Variants in FAM83B observed in about 807,000 individuals in gnomAD.
The protein encoded by FAM83B is protein FAM83B.
In FAM83B, 26 loss-of-function variants were observed where a neutral mutation model predicts 38.8. That is an observed-to-expected ratio of 0.67 (90% confidence interval 0.49 to 0.93). The LOEUF (loss-of-function observed/expected upper bound fraction) is 0.93, where lower values mean the gene tolerates loss of function less well. Among genes scored for constraint, FAM83B ranks in the 40% least tolerant of loss-of-function variants. The pLI, the probability that FAM83B is intolerant of heterozygous loss-of-function variation, is 0.00. For missense variants in FAM83B, 1,237 were observed against 1,197.3 expected (o/e 1.03, Z -0.49); for synonymous variants, 419 against 423.1 (o/e 0.99, Z 0.12).
intron 2 of FAM83B, among the ~76,000 whole-genome samples, chr6:54,871,509 A>G (rs1359858382): frequency 6.6e-6 from 1 of 150,530 alleles, no homozygotes; most frequent in African/African-American, 2.4e-5. Flanking sequence ...ACTTGAGGTC[A>G]GGAGTTTGAG....
Position 54,941,087 on chromosome 6 carries a change from A to C in FAM83B, c.2116A>C (p.Ser706Arg). Residue 706 changes from serine (S) to arginine (R), a missense_variant, in exon 5 of 5, where the codon AGT becomes CGT. Transcript: ENST00000306858. ...PEKPKEDLLK[S>R]SKSMHNVTHN... is the part of the protein sequence containing the mutation. Reference sequence around the variant, plus strand: ...AAAGCCCAAAGAAGATTTGCTGAAAAGTTCTAAAAGCATGCACAATGTGAC... The same window carrying C: ...AAAGCCCAAAGAAGATTTGCTGAAACGTTCTAAAAGCATGCACAATGTGAC... 6.2e-7 allele frequency: 1 copy of C among 1,613,072 alleles called. No individual in the cohort carries two copies. Among genetic ancestry groups the C allele is most frequent in the Non-Finnish European group, 8.5e-7 (1 of 1,179,734 alleles).
chr6:54,902,851 T>C (rs946636248), intron 2 of FAM83B, among the ~76,000 whole-genome samples: 4 of 152,158 alleles, frequency 2.6e-5, no homozygotes, highest in Admixed American at 1.3e-4. Flanking sequence ...TCTTGAAGGG[T>C]TCTTTAGCTT....
intron 2 of FAM83B, among the ~76,000 whole-genome samples, chr6:54,923,410 A>G (rs1324265173): frequency 1.3e-5 from 2 of 151,954 alleles, no homozygotes; most frequent in African/African-American, 2.4e-5. Context: ...CCCTCTTTCA[A>G]TTTGTTACAC....
Position 54,941,615 on chromosome 6 carries a change from G to C in FAM83B, c.2644G>C (p.Gly882Arg), listed in dbSNP as rs911122399. The C allele has an allele frequency of 1.9e-6, 3 of 1,614,122 alleles. No homozygotes were observed. Among genetic ancestry groups the C allele is most frequent in the Non-Finnish European group, 2.5e-6 (3 of 1,180,018 alleles). The change falls in exon 5 of 5, where the codon GGA becomes CGA. Residue 882 changes from glycine to arginine, a missense_variant. Gly to Arg is a moderately radical substitution (Grantham distance 125). Coordinates refer to ENST00000306858, the MANE Select transcript of FAM83B (RefSeq NM_001010872.3). ...PVESKFLERA[G>R]DASAPRFNTE... ...TGAAAGCAAGTTCTTGGAAAGGGCA[G>C]GAGATGCCTCTGCCCCAAGATTTAA...
rs1476826755 is a variant in FAM83B, at chr6:54,944,351, A to T, written c.*2344A>T. On this transcript the variant is annotated 3_prime_UTR_variant, in exon 5 of 5. Transcript: ENST00000306858. ...CATTGATATTAAAGTTTGGTAATGC[A>T]GCTTTTACTGTCTACATGGTACTGT... 6.6e-5 allele frequency: 10 copies of T among 152,184 alleles called. No homozygotes were observed. The highest frequency in any genetic ancestry group is 2.4e-4 in the African/African-American group (10 of 41,462). The allele number at this position is 152,184 out of a possible 1,614,324, so 9.4% of individuals were successfully genotyped here. A position where few individuals can be genotyped will look rare whatever the true frequency, so the allele number is the denominator to read the frequency against.
chr6:54,856,498 A>G (rs975954151), intron 1 of FAM83B, among the ~76,000 whole-genome samples: 1 of 152,196 alleles, frequency 6.6e-6, no homozygotes, highest in Non-Finnish European at 1.5e-5. Flanking sequence ...TGAGAAACCA[A>G]GTGACTGTTC....
In FAM83B at chr6:54,941,204, G is replaced by A. The variant is rs749029751; in HGVS notation, c.2233G>A (p.Asp745Asn). ...TKSVSIAALL[D>N]VNKEESNKEL... ...ATCAGTTTCCATTGCTGCTTTACTT[G>A]ATGTGAATAAAGAGGAATCTAACAA... The change falls in exon 5 of 5, where the codon GAT (aspartate) becomes AAT (asparagine). Residue 745 changes from aspartate (D) to asparagine (N), a missense_variant. Asp to Asn is a conservative substitution (Grantham distance 23). Transcript: ENST00000306858. 2 of 1,613,920 alleles carry A rather than the reference G, an allele frequency of 1.2e-6. No individual in the cohort carries two copies. The highest frequency in any genetic ancestry group is 2.2e-5 in the East Asian group (1 of 44,872).
intron 2 of FAM83B, among the ~76,000 whole-genome samples, chr6:54,914,515 C>T (rs1772990341): frequency 6.6e-6 from 1 of 152,052 alleles, no homozygotes; most frequent in South Asian, 2.1e-4. Flanking sequence ...TCATTTGTGT[C>T]AGAACCCATC....
rs1274291343 is a variant in FAM83B, at chr6:54,942,956, G to T, written c.*949G>T. 6.6e-6 allele frequency among the ~76,000 whole-genome samples: 1 copy of T among 151,370 alleles called. No homozygotes were observed. Among genetic ancestry groups the T allele is most frequent in the Non-Finnish European group, 1.5e-5 (1 of 67,912 alleles). The stretch of plus-strand genomic sequence containing the variant: ...CTCGCTCTGTCACCCAGGCTAGAGT[G>T]CAGTGGCGCAATCTTGGCTCACTGC... On this transcript the variant is annotated 3_prime_UTR_variant, in exon 5 of 5. Transcript: ENST00000306858.
At chr6:54,910,975 T>G (rs1439345211) in intron 2 of FAM83B, among the ~76,000 whole-genome samples, 4 of 152,156 alleles carry the variant, frequency 2.6e-5, no homozygotes, top group African/African-American at 9.7e-5. Context: ...CCTAAGATGA[T>G]CTCAGCTTTG....
chr6:54,880,651 G>C (rs1772113259), intron 2 of FAM83B, among the ~76,000 whole-genome samples: 1 of 152,026 alleles, frequency 6.6e-6, no homozygotes, highest in Admixed American at 6.6e-5. Context: ...CACCATGTTG[G>C]TCAGGCTGAT....
Position 54,942,751 on chromosome 6 carries a change from A to T in FAM83B, c.*744A>T, listed in dbSNP as rs779306328. On this transcript the variant is annotated 3_prime_UTR_variant, in exon 5 of 5. Transcript: ENST00000306858. Reference sequence around the variant, plus strand: ...TTTTTATAGTCATTCCTTACTTCACATTTAGGACAAACCAGTAGGAATTTA... The same window carrying T: ...TTTTTATAGTCATTCCTTACTTCACTTTTAGGACAAACCAGTAGGAATTTA... Among the ~76,000 whole-genome samples the T allele has an allele frequency of 3.5e-5, 5 of 144,170 alleles. No homozygotes were observed. The highest frequency in any genetic ancestry group is 7.4e-5 in the Non-Finnish European group (5 of 67,936). The allele number at this position is 144,170 out of a possible 152,430, so 94.6% of individuals were successfully genotyped here. A position where few individuals can be genotyped will look rare whatever the true frequency, so the allele number is the denominator to read the frequency against.
chr6:54,905,337 T>C (rs1321167892), intron 2 of FAM83B, among the ~76,000 whole-genome samples: 1 of 152,156 alleles, frequency 6.6e-6, no homozygotes, highest in Non-Finnish European at 1.5e-5. Context: ...GCGATTGTGC[T>C]GAAAGGACTA....
At chr6:54,849,868 C>T (rs1228067867) in intron 1 of FAM83B, among the ~76,000 whole-genome samples, 1 of 151,990 alleles carries the variant, frequency 6.6e-6, no homozygotes, top group Admixed American at 6.6e-5. Flanking sequence ...TGCATACTGA[C>T]ATAGAGTCAG....
At chr6:54,848,419 G>A (rs1771192333) in intron 1 of FAM83B, among the ~76,000 whole-genome samples, 1 of 152,196 alleles carries the variant, frequency 6.6e-6, no homozygotes, top group Non-Finnish European at 1.5e-5. Context: ...AGAATTTATT[G>A]TGGGAAGCAT....
At position 54,939,698 on chromosome 6, in the gene FAM83B, T is replaced by A; in HGVS notation, c.735-8T>A. ...AAATGATTAAAATTTTTCCATTTTT[T>A]TCCCCAGTTATATGTGGTCATTTGA... On this transcript the variant is annotated splice_region_variant and splice_polypyrimidine_tract_variant and intron_variant, in intron 4 of 4. Coordinates refer to ENST00000306858, the MANE Select transcript of FAM83B (RefSeq NM_001010872.3). 6.4e-7 allele frequency: 1 copy of A among 1,551,050 alleles called. No individual in the cohort carries two copies. Among genetic ancestry groups the A allele is most frequent in the Non-Finnish European group, 8.7e-7 (1 of 1,153,412 alleles).
chr6:54,942,161 T>G lies in FAM83B; in HGVS notation c.*154T>G, dbSNP rs1773720435. ...CCTAGTATAAAGTTATTTTTCTGTG[T>G]GATAAAGTTAGGGTCTGCTGTAGAT... On this transcript the variant is annotated 3_prime_UTR_variant, in exon 5 of 5. Coordinates refer to ENST00000306858, the MANE Select transcript of FAM83B (RefSeq NM_001010872.3). 1 of 770,614 alleles carries G rather than the reference T, an allele frequency of 1.3e-6. No homozygotes were observed. Among genetic ancestry groups the G allele is most frequent in the African/African-American group, 1.8e-5 (1 of 56,616 alleles). 47.7% of individuals were successfully genotyped at this position (770,614 alleles called of 1,614,324 possible).
upstream of FAM83B, chr6:54,846,725 C>G (rs1042584141): frequency 2.0e-5 from 3 of 152,246 alleles, no homozygotes; most frequent in African/African-American, 7.2e-5. Context: ...GGTAACTCCC[C>G]TCCCCTCCCT....
chr6:54,870,748 G>A, intron 2 of FAM83B, 58 bp downstream of exon 2: 1 of 1,425,310 alleles, frequency 7.0e-7, no homozygotes, highest in Non-Finnish European at 9.5e-7. Context: ...AGTAGAGAGA[G>A]TAATAACACA....
Sources: gnomAD v4.1 joint callset for allele counts (sites outside exome capture counted in the v4.1 genomes callset) on GRCh38, gnomAD v4.1.1 for gene constraint, MANE v1.5 for transcripts, NCBI Gene and HGNC (gene_info 2026-07-23, HGNC 2026-07-21) for gene names.